The following REV3L variants were observed in gnomAD, a reference collection of about 807,000 sequenced individuals.
REV3L encodes the protein REV3 like, DNA directed polymerase zeta catalytic subunit.
REV3L carries 69 observed loss-of-function variants against 299.4 expected under a neutral mutation model. The ratio of observed to expected loss-of-function variants is 0.23; its 90% confidence interval spans 0.19 to 0.28. REV3L has a LOEUF of 0.28. REV3L is among the 10% of genes least tolerant of loss of function. The pLI, the probability that REV3L is intolerant of heterozygous loss-of-function variation, is 1.00. For missense variants in REV3L, 3,128 were observed against 3,693.8 expected (o/e 0.85, Z 3.97); for synonymous variants, 1,238 against 1,271.4 (o/e 0.97, Z 0.56).
chr6:111,351,691 T>A lies in REV3L; in HGVS notation c.7285A>T (p.Ile2429Phe). 1 of 1,613,014 alleles carries A rather than the reference T, an allele frequency of 6.2e-7. No homozygotes were observed. Among genetic ancestry groups the A allele is most frequent in the Non-Finnish European group, 8.5e-7 (1 of 1,179,364 alleles). The change falls in exon 19 of 32, where the codon ATC becomes TTC. Residue 2429 changes from isoleucine (I) to phenylalanine (F), a missense_variant. Ile to Phe is a conservative substitution (Grantham distance 21). Coordinates refer to ENST00000368802, the MANE Select transcript of REV3L (RefSeq NM_001372078.1). ...TGACACATACCTGGCACCCGAGAGA[T>A]CATCCGACATAAGTCAATACTTAAA... ...AALSIDLCRM[I>F]SRVPDDKIEN...
At chr6:111,470,246 A>C (rs546602119) in intron 1 of REV3L, among the ~76,000 whole-genome samples, 33 of 152,056 alleles carry the variant, frequency 2.2e-4, no homozygotes, top group Non-Finnish European at 4.3e-4. Flanking sequence ...GGTCACTGTC[A>C]CATCTCAATA....
intron 26 of REV3L, among the ~76,000 whole-genome samples, chr6:111,317,971 T>C (rs1773712102): frequency 6.6e-6 from 1 of 152,380 alleles, no homozygotes; most frequent in East Asian, 1.9e-4. Context: ...ACAATTTGCT[T>C]GTCCAATCAC....
At chr6:111,405,382 A>G in intron 4 of REV3L, 88 bp downstream of exon 4, 1 of 730,804 alleles carries the variant, frequency 1.4e-6, no homozygotes. Flanking sequence ...TTCTAAATAT[A>G]TATTATTTTA....
intron 21 of REV3L, among the ~76,000 whole-genome samples, chr6:111,343,184 T>C (rs1776697325): frequency 6.6e-6 from 1 of 152,208 alleles, no homozygotes; most frequent in Admixed American, 6.5e-5. Flanking sequence ...CAAATGTCCA[T>C]CAACAGGTGG....
chr6:111,366,310 T>C (rs1283315330), intron 14 of REV3L, among the ~76,000 whole-genome samples: 1 of 152,172 alleles, frequency 6.6e-6, no homozygotes, highest in East Asian at 1.9e-4. Context: ...TTGGATATAG[T>C]GTTCTGGAGC....
At chr6:111,440,923 G>T (rs554329168) in intron 1 of REV3L, among the ~76,000 whole-genome samples, 1 of 152,102 alleles carries the variant, frequency 6.6e-6, no homozygotes, top group African/African-American at 2.4e-5. Context: ...CACTCCTCTC[G>T]CTTCTTGCTT....
intron 1 of REV3L, among the ~76,000 whole-genome samples, chr6:111,440,649 A>G (rs1478341910): frequency 1.3e-5 from 2 of 152,192 alleles, no homozygotes; most frequent in South Asian, 2.1e-4. Flanking sequence ...CAAGAAAATA[A>G]AAGATTTTAC....
At chr6:111,302,908 A>T (rs1223578094) in intron 31 of REV3L, among the ~76,000 whole-genome samples, 3 of 152,088 alleles carry the variant, frequency 2.0e-5, no homozygotes, top group Middle Eastern at 3.2e-3. Context: ...CTCAAAAAAA[A>T]TTTTTCAGTC....
At chr6:111,341,039 C>CTTTTTTTT (rs5879104) in intron 21 of REV3L, among the ~76,000 whole-genome samples, 5 of 131,896 alleles carry the variant, frequency 3.8e-5, no homozygotes, top group Admixed American at 2.5e-4. Flanking sequence ...TTCTCCTCAG[C>CTTTTTTTT]TTTTTTTTTT....
At chr6:111,340,044 T>C (rs1776331301) in intron 21 of REV3L, among the ~76,000 whole-genome samples, 1 of 152,122 alleles carries the variant, frequency 6.6e-6, no homozygotes, top group Non-Finnish European at 1.5e-5. Context: ...AATGGGAACT[T>C]AGAGCATCCT....
intron 1 of REV3L, among the ~76,000 whole-genome samples, chr6:111,444,024 T>A (rs1788569972): frequency 6.6e-6 from 1 of 152,230 alleles, no homozygotes; most frequent in Admixed American, 6.5e-5. Flanking sequence ...CCATGTTCCA[T>A]TCCCTCTATA....
chr6:111,463,745 A>C (rs981538155), intron 1 of REV3L, among the ~76,000 whole-genome samples: 4 of 152,208 alleles, frequency 2.6e-5, no homozygotes, highest in Non-Finnish European at 5.9e-5. Flanking sequence ...TGAGAAAAAA[A>C]CGGTTTCATT....
intron 1 of REV3L, among the ~76,000 whole-genome samples, chr6:111,461,601 T>C (rs1451020669): frequency 1.3e-5 from 2 of 151,928 alleles, no homozygotes; most frequent in African/African-American, 2.4e-5. Flanking sequence ...ATTGCATATA[T>C]ATAAAAGTAA....
In REV3L at chr6:111,376,625, A is replaced by G; in HGVS notation, c.1730T>C (p.Phe577Ser). Reference sequence around the variant, plus strand: ...AAGGGCACTTGTGTGTTTACACTGAAAGGTAATCTTAGCAGAAGATGAGGG... The same window carrying G: ...AAGGGCACTTGTGTGTTTACACTGAGAGGTAATCTTAGCAGAAGATGAGGG... ...LEPSSSAKIT[F>S]QCKHTSALSS... The change falls in exon 13 of 32, where the codon TTT (phenylalanine) becomes TCT (serine). Residue 577 changes from phenylalanine (F) to serine (S), a missense_variant. Physicochemically the swap from Phe to Ser is radical, Grantham distance 155. Coordinates refer to ENST00000368802, the MANE Select transcript of REV3L (RefSeq NM_001372078.1). The G allele has an allele frequency of 6.2e-7, 1 of 1,613,286 alleles. No homozygotes were observed. Among genetic ancestry groups the G allele is most frequent in the Non-Finnish European group, 8.5e-7 (1 of 1,179,890 alleles).
intron 21 of REV3L, among the ~76,000 whole-genome samples, chr6:111,342,238 A>C (rs974823336): frequency 6.6e-6 from 1 of 152,142 alleles, no homozygotes; most frequent in African/African-American, 2.4e-5. Flanking sequence ...TCACTGAGAA[A>C]GGAGTAGAAG....
intron 1 of REV3L, among the ~76,000 whole-genome samples, chr6:111,422,412 T>C (rs2128290163): frequency 6.6e-6 from 1 of 151,758 alleles, no homozygotes. Context: ...AAAAGTTTGC[T>C]AACCTCAGCA....
rs568155483 is a variant in REV3L, at chr6:111,430,158, G to T, written c.140-13686C>A. The T allele has an allele frequency of 8.1e-5, 64 of 789,290 alleles. No homozygotes were observed. In the East Asian group the frequency reaches 1.5e-3, roughly 18 times the overall value. The allele number at this position is 789,290 out of a possible 1,614,324, so 48.9% of individuals were successfully genotyped here. Reference sequence around the variant, plus strand: ...AGACCTCCAGTGTCACGCCCCTGTGGGATTAGACTTGCCCGGTGAGAAGCC... The same window carrying T: ...AGACCTCCAGTGTCACGCCCCTGTGTGATTAGACTTGCCCGGTGAGAAGCC... On this transcript the variant is annotated intron_variant, in intron 1 of 31. Transcript: ENST00000368802.
chr6:111,388,694 A>G (rs1371760946), intron 7 of REV3L, among the ~76,000 whole-genome samples: 1 of 152,190 alleles, frequency 6.6e-6, no homozygotes, highest in East Asian at 1.9e-4. Flanking sequence ...TACTCAGAAA[A>G]TAAACTGTGG....
chr6:111,319,426 A>G (rs1200928208), intron 26 of REV3L, among the ~76,000 whole-genome samples: 1 of 152,038 alleles, frequency 6.6e-6, no homozygotes, highest in Non-Finnish European at 1.5e-5. Context: ...GCGCCACTGC[A>G]CTGGACTCCA....
Sources: allele counts gnomAD v4.1 joint callset (sites outside exome capture counted in the v4.1 genomes callset), GRCh38; gene constraint gnomAD v4.1.1; transcripts MANE v1.5; gene names NCBI Gene and HGNC (gene_info 2026-07-23, HGNC 2026-07-21).